Variants in CDKL5 observed in about 807,000 individuals in gnomAD.
The protein encoded by CDKL5 is cyclin dependent kinase like 5.
Under a neutral mutation model 61.7 loss-of-function variants are expected in CDKL5, and 8 were observed. The observed-to-expected ratio is 0.13, with a 90% CI of 0.08 to 0.23. The LOEUF (loss-of-function observed/expected upper bound fraction) is 0.23, where lower values mean the gene tolerates loss of function less well. Among genes scored for constraint, CDKL5 ranks in the 10% least tolerant of loss-of-function variants. The pLI is 1.00. For synonymous variants in CDKL5, 275 were observed against 272.3 expected (o/e 1.01, Z -0.10); for missense variants, 440 against 734.5 (o/e 0.60, Z 4.63).
chrX:18,442,619 G>A (rs769208979), intron 1 of CDKL5, among the ~76,000 whole-genome samples: 19 of 110,895 alleles, frequency 1.7e-4, no homozygotes, highest in Admixed American at 1.5e-3. Context: ...TCAGCCTCCC[G>A]AGTAGCTGGG....
rs753976259 is a variant in CDKL5, at chrX:18,586,057, G to C, written c.554+1704G>C. Among the ~76,000 whole-genome samples the C allele has an allele frequency of 2.7e-5, 3 of 111,253 alleles. No individual in the cohort carries two copies. The East Asian group carries it at 8.4e-4, about 31-fold the overall frequency. The stretch of plus-strand genomic sequence containing the variant: ...TTCATTGCTGACCTAAAGCCTGTAA[G>C]AATCATTGACATTAGTTTTTGAAAG... On this transcript the variant is annotated intron_variant, in intron 8 of 17. Transcript: ENST00000623535.
intron 3 of CDKL5, among the ~76,000 whole-genome samples, chrX:18,536,447 T>G (rs1923833845): frequency 1.4e-5 from 1 of 73,081 alleles, no homozygotes; most frequent in African/African-American, 5.3e-5. Flanking sequence ...TTTTTTTTTT[T>G]TTTTTTTTTT....
intron 3 of CDKL5, among the ~76,000 whole-genome samples, chrX:18,534,797 C>T (rs1923763263): frequency 9.0e-6 from 1 of 111,681 alleles, no homozygotes; most frequent in Non-Finnish European, 1.9e-5. Context: ...TGTAACTTGC[C>T]CTATTATAGG....
At chrX:18,524,099 C>G (rs183251947) in intron 3 of CDKL5, among the ~76,000 whole-genome samples, 1 of 112,125 alleles carries the variant, frequency 8.9e-6, no homozygotes, top group East Asian at 2.8e-4. Flanking sequence ...ATTGCTCTGG[C>G]TAGAACTTCC....
intron 3 of CDKL5, among the ~76,000 whole-genome samples, chrX:18,530,440 C>T (rs755422960): frequency 9.0e-5 from 10 of 110,854 alleles, no homozygotes; most frequent in East Asian, 2.8e-4. Flanking sequence ...TTTGCTCAGC[C>T]GTGTCCAGTT....
At chrX:18,550,570 C>T (rs2147121905) in intron 3 of CDKL5, among the ~76,000 whole-genome samples, 1 of 111,997 alleles carries the variant, frequency 8.9e-6, no homozygotes, top group African/African-American at 3.2e-5. Context: ...GTTCCTGCCG[C>T]AGCAAGATAG....
chrX:18,454,291 C>T (rs1932090597), intron 1 of CDKL5, among the ~76,000 whole-genome samples: 1 of 108,623 alleles, frequency 9.2e-6, no homozygotes, highest in African/African-American at 3.4e-5. Flanking sequence ...GGCTGGAGTG[C>T]AGTGGTGTGA....
chrX:18,539,936 C>A (rs1923963563), intron 3 of CDKL5, among the ~76,000 whole-genome samples: 1 of 111,422 alleles, frequency 9.0e-6, no homozygotes, highest in South Asian at 3.8e-4. Flanking sequence ...TTTGCCCTCC[C>A]CACTTAAAAA....
intron 1 of CDKL5, among the ~76,000 whole-genome samples, chrX:18,480,564 A>G (rs907626161): frequency 1.8e-5 from 2 of 111,187 alleles, no homozygotes; most frequent in African/African-American, 6.5e-5. Context: ...GTTATGTTCC[A>G]CCTTATTGAA....
intron 12 of CDKL5, among the ~76,000 whole-genome samples, chrX:18,608,600 T>C (rs1926439185): frequency 8.9e-6 from 1 of 111,847 alleles, no homozygotes; most frequent in Non-Finnish European, 1.9e-5. Context: ...TTGCCTTAAC[T>C]TTAATGAGAA....
chrX:18,459,651 T>C (rs890539881), intron 1 of CDKL5, among the ~76,000 whole-genome samples: 1 of 108,526 alleles, frequency 9.2e-6, no homozygotes, highest in South Asian at 4.0e-4. Context: ...CTGCAGGCTT[T>C]ACAGGAGGCA....
intron 2 of CDKL5, among the ~76,000 whole-genome samples, chrX:18,509,422 C>T (rs1349950699): frequency 9.0e-6 from 1 of 110,761 alleles, no homozygotes; most frequent in Non-Finnish European, 1.9e-5. Flanking sequence ...CCATCTCTAC[C>T]AAAGTGAGGG....
intron 3 of CDKL5, among the ~76,000 whole-genome samples, chrX:18,561,450 T>A (rs1408086164): frequency 9.3e-6 from 1 of 107,816 alleles, no homozygotes; most frequent in African/African-American, 3.4e-5. Flanking sequence ...AAAAAAAAAA[T>A]TATAGCTCAT....
At position 18,473,899 on chromosome X, in the gene CDKL5, C is replaced by CT. The variant is rs202083135; in HGVS notation, c.-162-33022dup. 7.2e-3 allele frequency among the ~76,000 whole-genome samples: 697 copies of CT among 96,140 alleles called. 7 individuals carry two copies. The highest frequency in any genetic ancestry group is 0.022 in the African/African-American group (583 of 26,666). The allele number at this position is 96,140 out of a possible 115,157, so 83.5% of individuals were successfully genotyped here. A position where few individuals can be genotyped will look rare whatever the true frequency, so the allele number is the denominator to read the frequency against. On this transcript the variant is annotated intron_variant, in intron 1 of 17. Coordinates refer to ENST00000623535, the MANE Select transcript of CDKL5 (RefSeq NM_001323289.2). ...GTAGGCCATCAGGGGAACTTCGGTT[C>CT]TTTTTTTTTTTTTTGAGACGGAGTT...
chrX:18,648,685 T>C (rs1052352243), intron 20 of CDKL5, among the ~76,000 whole-genome samples: 1 of 112,245 alleles, frequency 8.9e-6, no homozygotes, highest in Non-Finnish European at 1.9e-5. Context: ...AAAGACTGCC[T>C]GCTGGGATTT....
intron 10 of CDKL5, among the ~76,000 whole-genome samples, 160 bp from the exon 11 acceptor site, chrX:18,598,302 G>A (rs948793565): frequency 9.1e-6 from 1 of 110,348 alleles, no homozygotes; most frequent in African/African-American, 3.3e-5. Flanking sequence ...GAGATTATAG[G>A]TGATTTAGAT....
rs1454420699 is a variant in CDKL5, at chrX:18,638,088, G to A, written c.*9331G>A. 1 of 111,270 alleles carries A rather than the reference G, an allele frequency of 9.0e-6. No homozygotes were observed. The highest frequency in any genetic ancestry group is 1.9e-5 in the Non-Finnish European group (1 of 53,079). 9.2% of individuals were successfully genotyped at this position (111,270 alleles called of 1,213,427 possible). A position where few individuals can be genotyped will look rare whatever the true frequency, so the allele number is the denominator to read the frequency against. ...AGCCCCAAGTGGACAGAAAGATGGG[G>A]TTCTGTGAGCATCCATTCCAAGGGT... is the stretch of plus-strand genomic sequence containing the variant. On this transcript the variant is annotated 3_prime_UTR_variant, in exon 18 of 18. Transcript: ENST00000623535.
intron 3 of CDKL5, among the ~76,000 whole-genome samples, chrX:18,539,112 T>C (rs1222784441): frequency 8.9e-6 from 1 of 111,994 alleles, no homozygotes; most frequent in Non-Finnish European, 1.9e-5. Context: ...TTTTGTCTTC[T>C]TTCTTTTTAT....
chrX:18,462,079 G>GTT (rs759099634), intron 1 of CDKL5, among the ~76,000 whole-genome samples: 21 of 96,938 alleles, frequency 2.2e-4, no homozygotes, highest in South Asian at 1.8e-3. Flanking sequence ...TTTTTTTGCG[G>GTT]TTTTTTTTTT....
Sources: gnomAD v4.1 joint callset for allele counts (sites outside exome capture counted in the v4.1 genomes callset) on GRCh38, gnomAD v4.1.1 for gene constraint, MANE v1.5 for transcripts, NCBI Gene and HGNC (gene_info 2026-07-23, HGNC 2026-07-21) for gene names.